KIF3B: variants seen among roughly 807,000 people sequenced by gnomAD.
The protein encoded by KIF3B is kinesin family member 3B.
KIF3B carries 38 observed loss-of-function variants against 74.3 expected under a neutral mutation model. That is an observed-to-expected ratio of 0.51 (90% CI 0.39 to 0.67). The LOEUF is 0.67. Among genes scored for constraint, KIF3B ranks in the 30% least tolerant of loss-of-function variants. KIF3B has a pLI of 0.00. For synonymous variants in KIF3B, 326 were observed against 342.5 expected (o/e 0.95, Z 0.53); for missense variants, 649 against 932.0 (o/e 0.70, Z 3.95).
chr20:32,307,292 T>C (rs2047776294), intron 1 of KIF3B, among the ~76,000 whole-genome samples: 1 of 152,326 alleles, frequency 6.6e-6, no homozygotes, highest in South Asian at 2.1e-4. Flanking sequence ...TCACACTATG[T>C]AAACTATACT....
At chr20:32,321,858 G>A (rs138147097) in intron 5 of KIF3B, among the ~76,000 whole-genome samples, 28 of 152,134 alleles carry the variant, frequency 1.8e-4, no homozygotes, top group African/African-American at 6.7e-4. Flanking sequence ...TAGACAAAAT[G>A]GTATTATACA....
intron 1 of KIF3B, 106 bp from the exon 2 acceptor site, chr20:32,309,607 T>C (rs1419459461): frequency 9.0e-6 from 6 of 667,544 alleles, no homozygotes; most frequent in South Asian, 6.3e-5. Context: ...TTATCAGATA[T>C]GGCTGTCAGG....
At chr20:32,301,085 CTTTTTTTTTTT>C (rs950388063) in intron 1 of KIF3B, among the ~76,000 whole-genome samples, 2 of 90,182 alleles carry the variant, frequency 2.2e-5, no homozygotes, top group African/African-American at 8.0e-5. Context: ...GCTTCATGGT[CTTTTTTTTTTT>C]TTTTTTTTTT....
At chr20:32,323,357 C>T (rs942726208) in intron 5 of KIF3B, among the ~76,000 whole-genome samples, 5 of 150,702 alleles carry the variant, frequency 3.3e-5, no homozygotes, top group African/African-American at 1.2e-4. Flanking sequence ...TATTAAGTCT[C>T]TTAGACTTAT....
At chr20:32,326,957 T>TGAG (rs2047906994) in intron 6 of KIF3B, 73 bp downstream of exon 6, 1 of 778,464 alleles carries the variant, frequency 1.3e-6, no homozygotes, top group African/African-American at 1.7e-5. Flanking sequence ...AAGAGCCCTC[T>TGAG]GGTCAACAAA....
At chr20:32,303,519 CA>C (rs921005104) in intron 1 of KIF3B, among the ~76,000 whole-genome samples, 7 of 148,398 alleles carry the variant, frequency 4.7e-5, no homozygotes, top group Non-Finnish European at 1.0e-4. Context: ...GGGCCGAGAT[CA>C]TGCCACTGTA....
intron 7 of KIF3B, among the ~76,000 whole-genome samples, chr20:32,329,577 T>C (rs1194215760): frequency 6.6e-5 from 10 of 152,188 alleles, no homozygotes; most frequent in Non-Finnish European, 1.3e-4. Flanking sequence ...ATCTTCTCTA[T>C]GCATTCAGTC....
At chr20:32,317,018 C>T (rs1374684782) in intron 5 of KIF3B, 144 bp downstream of exon 5, 4 of 658,742 alleles carry the variant, frequency 6.1e-6, no homozygotes, top group Non-Finnish European at 1.1e-5. Context: ...GGCAGATCAC[C>T]TGATGTCAGG....
At chr20:32,313,192 T>G (rs1172239145) in intron 2 of KIF3B, among the ~76,000 whole-genome samples, 1 of 152,180 alleles carries the variant, frequency 6.6e-6, no homozygotes, top group East Asian at 1.9e-4. Context: ...GGCAATGCAC[T>G]ATGCCTGCAG....
At chr20:32,327,696 C>G in intron 7 of KIF3B, 35 bp downstream of exon 7, 1 of 1,512,866 alleles carries the variant, frequency 6.6e-7, no homozygotes, top group Non-Finnish European at 9.2e-7. Flanking sequence ...TCTCCTGTCT[C>G]TTTTGGAGTC....
chr20:32,318,480 C>T (rs771853786), intron 5 of KIF3B, among the ~76,000 whole-genome samples: 25 of 152,228 alleles, frequency 1.6e-4, no homozygotes, highest in Middle Eastern at 3.4e-3. Flanking sequence ...TTTCCCAACC[C>T]GAAGTAATCA....
At chr20:32,279,174 C>T (rs537818272) in intron 1 of KIF3B, among the ~76,000 whole-genome samples, 1 of 152,074 alleles carries the variant, frequency 6.6e-6, no homozygotes, top group East Asian at 1.9e-4. Flanking sequence ...ATACCTGCCT[C>T]GGCCTCCCAA....
intron 1 of KIF3B, among the ~76,000 whole-genome samples, chr20:32,299,379 G>GTGTGTGTATA (rs1187264463): frequency 8.7e-5 from 2 of 23,100 alleles, no homozygotes; most frequent in African/African-American, 2.3e-4. Flanking sequence ...TGGTGTGTGT[G>GTGTGTGTATA]TATATATATA....
Position 32,310,930 on chromosome 20 carries a change from G to A in KIF3B, c.1153G>A (p.Glu385Lys). 1.3e-6 allele frequency: 2 copies of A among 1,513,420 alleles called. No homozygotes were observed. Among genetic ancestry groups the A allele is most frequent in the Non-Finnish European group, 1.8e-6 (2 of 1,096,322 alleles). The allele number at this position is 1,513,420 out of a possible 1,614,324, so 93.7% of individuals were successfully genotyped here. A position where few individuals can be genotyped will look rare whatever the true frequency, so the allele number is the denominator to read the frequency against. Residue 385 changes from glutamate (E) to lysine (K), a missense_variant, in exon 2 of 9, where the codon GAA becomes AAA. This residue lies in a region of KIF3B where 363 missense variants were observed against 592.8 expected (regional missense o/e 0.61). Transcript: ENST00000375712. This position sits in a 1 kb window ranked among gnomAD's most constrained non-coding sequence, Gnocchi z 6.5. ...GAGGAAGAGGCGAGAGAAGCGGAGGGAAGGTGGTGGCAGTGGTGGGGGTGG... is the reference window on the plus strand; with the variant it reads ...GAGGAAGAGGCGAGAGAAGCGGAGGAAAGGTGGTGGCAGTGGTGGGGGTGG... ...GRRKRREKRR[E>K]GGGSGGGGEE...
At chr20:32,283,063 A>T (rs760382209) in intron 1 of KIF3B, among the ~76,000 whole-genome samples, 9 of 151,574 alleles carry the variant, frequency 5.9e-5, no homozygotes, top group Non-Finnish European at 8.8e-5. Flanking sequence ...GGAGACAGGG[A>T]CTCCCTCTGT....
intron 5 of KIF3B, among the ~76,000 whole-genome samples, chr20:32,322,584 G>A (rs2047865789): frequency 1.5e-5 from 2 of 137,046 alleles, no homozygotes; most frequent in Admixed American, 8.6e-5. Flanking sequence ...CTCCAGCCTG[G>A]GCGACAGAGC....
At chr20:32,293,764 G>A (rs1268769050) in intron 1 of KIF3B, among the ~76,000 whole-genome samples, 1 of 152,074 alleles carries the variant, frequency 6.6e-6, no homozygotes, top group Admixed American at 6.6e-5. Context: ...AAGGAGCAAT[G>A]CAGATATGTT....
At position 32,334,534 on chromosome 20, in the gene KIF3B, C is replaced by T. The variant is rs1056752565; in HGVS notation, c.*3215C>T. ...GGATATCAGTTCTGCCTCACATTTC[C>T]CACTTGAGGTTGAGGCGTACTGGAG... On this transcript the variant is annotated 3_prime_UTR_variant, in exon 9 of 9. Coordinates refer to ENST00000375712, the MANE Select transcript of KIF3B (RefSeq NM_004798.4). 3.3e-5 allele frequency: 5 copies of T among 152,552 alleles called. No homozygotes were observed. Among genetic ancestry groups the T allele is most frequent in the African/African-American group, 1.2e-4 (5 of 41,414 alleles). The allele number at this position is 152,552 out of a possible 1,614,324, so 9.4% of individuals were successfully genotyped here. A position where few individuals can be genotyped will look rare whatever the true frequency, so the allele number is the denominator to read the frequency against.
chr20:32,327,589 C>T lies in KIF3B; in HGVS notation c.1896C>T (p.Ala632=), dbSNP rs148334834. 16 of 1,613,156 alleles carry T rather than the reference C, an allele frequency of 9.9e-6. No homozygotes were observed. The African/African-American group carries it at 1.1e-4, about 11-fold the overall frequency. The change falls in exon 7 of 9, where the codon GCC becomes GCT. Residue 632 remains alanine (A), a synonymous_variant. Coordinates refer to ENST00000375712, the MANE Select transcript of KIF3B (RefSeq NM_004798.4). The part of the protein sequence containing the change: ...NQQMMKRPVS[A]VGYKRPLSQH... The stretch of plus-strand genomic sequence containing the variant: ...AGATGATGAAGCGGCCAGTCTCAGC[C>T]GTGGGATATAAGAGACCATTGAGCC...
Sources: allele counts gnomAD v4.1 joint callset (sites outside exome capture counted in the v4.1 genomes callset), GRCh38; gene constraint gnomAD v4.1.1; regional missense constraint gnomAD v4.1.1; non-coding constraint Gnocchi (gnomAD v3.1); transcripts MANE v1.5; gene names NCBI Gene and HGNC (gene_info 2026-07-23, HGNC 2026-07-21).